TAS2R1: variants seen among roughly 807,000 people sequenced by gnomAD.
TAS2R1 encodes the protein taste 2 receptor member 1.
For missense variants in TAS2R1, 370 were observed against 353.4 expected, an observed-to-expected ratio of 1.05 and a Z score of -0.38; for synonymous variants, 141 against 134.2, an observed-to-expected ratio of 1.05 and a Z score of -0.35.
the TAS2R1 span, among the ~76,000 whole-genome samples, chr5:9,795,940 C>G: frequency 1.3e-5 from 2 of 152,136 alleles, no homozygotes; most frequent in Admixed American, 1.3e-4. Flanking sequence ...TCAACCACCC[C>G]AGACATTTCC....
chr5:9,683,984 G>T (rs1271867711), intron 1 of TAS2R1, among the ~76,000 whole-genome samples: 1 of 152,098 alleles, frequency 6.6e-6, no homozygotes, highest in Non-Finnish European at 1.5e-5. Flanking sequence ...GAAAATTAAT[G>T]CAGGGATTAT....
chr5:9,832,159 A>T, the TAS2R1 span, among the ~76,000 whole-genome samples: 1 of 152,356 alleles, frequency 6.6e-6, no homozygotes, highest in South Asian at 2.1e-4. Flanking sequence ...CATGTTAAAC[A>T]TAAGGATCAA....
At chr5:9,701,221 GACACACACACACAC>G (rs34248017) in intron 1 of TAS2R1, among the ~76,000 whole-genome samples, 10,503 of 135,876 alleles carry the variant, frequency 0.077, 376 homozygotes, top group African/African-American at 0.12. Flanking sequence ...CAGACACGCA[GACACACACACACAC>G]ACACACACAC....
chr5:9,686,718 AC>A (rs1219412621), intron 1 of TAS2R1, among the ~76,000 whole-genome samples: 1 of 152,210 alleles, frequency 6.6e-6, no homozygotes. Context: ...AAACTATATT[AC>A]GTTCACATGA....
At chr5:9,772,627 C>CCT in the TAS2R1 span, among the ~76,000 whole-genome samples, 1 of 151,582 alleles carries the variant, frequency 6.6e-6, no homozygotes, top group Non-Finnish European at 1.5e-5. Context: ...TGTATTGGGG[C>CCT]CTCTCTCTCT....
chr5:9,797,076 A>T, the TAS2R1 span, among the ~76,000 whole-genome samples: 1 of 152,092 alleles, frequency 6.6e-6, no homozygotes, highest in Non-Finnish European at 1.5e-5. Context: ...GAGGAGTTTG[A>T]TTGGGCTCAC....
chr5:9,669,586 T>G (rs1023520972), intron 1 of TAS2R1, among the ~76,000 whole-genome samples: 2 of 152,072 alleles, frequency 1.3e-5, no homozygotes, highest in East Asian at 3.9e-4. Context: ...ACAATAAAAA[T>G]AGAAATCAAT....
At chr5:9,783,624 GT>G in the TAS2R1 span, among the ~76,000 whole-genome samples, 2 of 152,180 alleles carry the variant, frequency 1.3e-5, no homozygotes, top group African/African-American at 4.8e-5. Flanking sequence ...TTCCTTTAGA[GT>G]AAAAGAATTT....
the TAS2R1 span, among the ~76,000 whole-genome samples, chr5:9,778,216 T>G: frequency 6.6e-6 from 1 of 152,226 alleles, no homozygotes; most frequent in African/African-American, 2.4e-5. Context: ...AGTAATATTC[T>G]GAAAAAAGTT....
the TAS2R1 span, among the ~76,000 whole-genome samples, chr5:9,746,273 C>T: frequency 2.0e-5 from 3 of 152,218 alleles, no homozygotes; most frequent in South Asian, 4.2e-4. Flanking sequence ...ACAACAGGTG[C>T]TGGAGAGGAT....
At chr5:9,657,556 C>A (rs1412249661) in intron 2 of TAS2R1, among the ~76,000 whole-genome samples, 2 of 152,106 alleles carry the variant, frequency 1.3e-5, no homozygotes, top group Non-Finnish European at 2.9e-5. Flanking sequence ...TATATCCATA[C>A]AATGAAATAT....
the TAS2R1 span, among the ~76,000 whole-genome samples, chr5:9,793,238 G>T: frequency 6.6e-6 from 1 of 152,162 alleles, no homozygotes; most frequent in Non-Finnish European, 1.5e-5. Flanking sequence ...AGGGGAAAGG[G>T]CATAGGAAAT....
chr5:9,897,397 C>T, the TAS2R1 span, among the ~76,000 whole-genome samples: 1 of 152,122 alleles, frequency 6.6e-6, no homozygotes, highest in Non-Finnish European at 1.5e-5. Flanking sequence ...TGCAGTGAGC[C>T]GAGATCACGC....
the TAS2R1 span, chr5:9,902,883 C>T: frequency 1.3e-5 from 2 of 151,684 alleles, no homozygotes; most frequent in Non-Finnish European, 2.9e-5. Flanking sequence ...GAAAAAATCA[C>T]TCGTGTCTTC....
intron 1 of TAS2R1, among the ~76,000 whole-genome samples, chr5:9,671,709 A>G (rs1488176480): frequency 6.6e-6 from 1 of 152,160 alleles, no homozygotes; most frequent in Non-Finnish European, 1.5e-5. Flanking sequence ...AAATGGCCAT[A>G]TTGCCCGAAG....
intron 1 of TAS2R1, among the ~76,000 whole-genome samples, chr5:9,673,784 G>A (rs970393878): frequency 2.0e-5 from 3 of 152,100 alleles, no homozygotes; most frequent in Non-Finnish European, 4.4e-5. Context: ...GTGCACAAAC[G>A]AAATTCTTCT....
At chr5:9,678,492 T>C (rs1025102605) in intron 1 of TAS2R1, among the ~76,000 whole-genome samples, 1 of 152,212 alleles carries the variant, frequency 6.6e-6, no homozygotes, top group Admixed American at 6.5e-5. Context: ...ATATGTTCAT[T>C]GCAGCACTAT....
chr5:9,632,261 T>C (rs937186199), upstream of TAS2R1, among the ~76,000 whole-genome samples: 7 of 152,186 alleles, frequency 4.6e-5, no homozygotes, highest in Non-Finnish European at 1.0e-4. Context: ...AAAAAAGATA[T>C]ACATACTTTA....
At chr5:9,768,474 T>C in the TAS2R1 span, among the ~76,000 whole-genome samples, 1 of 152,200 alleles carries the variant, frequency 6.6e-6, no homozygotes, top group African/African-American at 2.4e-5. Flanking sequence ...TGCTTTCCCA[T>C]GACCACTCCT....
Sources: gnomAD v4.1 joint callset for allele counts (sites outside exome capture counted in the v4.1 genomes callset) on GRCh38, gnomAD v4.1.1 for gene constraint, MANE v1.5 for transcripts, NCBI Gene and HGNC (gene_info 2026-07-23, HGNC 2026-07-21) for gene names.